Variants in SV2C observed in about 807,000 individuals in gnomAD.
SV2C encodes solute carrier family 22 member B3.
SV2C carries 49 observed loss-of-function variants against 79.7 expected under a neutral mutation model. The observed-to-expected ratio is 0.61, with a 90% CI of 0.49 to 0.78. SV2C has a LOEUF of 0.78. Ranked by LOEUF, SV2C falls within the 30% of genes least tolerant of loss-of-function variation. SV2C has a pLI of 0.00. For synonymous variants in SV2C, 334 were observed against 333.2 expected (o/e 1.00, Z -0.03); for missense variants, 833 against 912.9 (o/e 0.91, Z 1.13).
At position 76,298,519 on chromosome 5, in the gene SV2C, AC is replaced by A. The variant is rs375062139; in HGVS notation, c.1503-274del. Among the ~76,000 whole-genome samples, 150 of 152,232 alleles carry A rather than the reference AC, an allele frequency of 9.9e-4. 2 individuals are homozygous for A. Among genetic ancestry groups the A allele is most frequent in the African/African-American group, 3.5e-3 (144 of 41,538 alleles). ...TATCTTCAGTTGCATACCCCACAAAACTTTTTACCAACATTACAAAAAGCTA... is the reference window on the plus strand; with the variant it reads ...TATCTTCAGTTGCATACCCCACAAAATTTTTACCAACATTACAAAAAGCTA... On this transcript the variant is annotated intron_variant, in intron 9 of 12. Transcript: ENST00000502798.
At chr5:75,970,841 C>T in the SV2C span, among the ~76,000 whole-genome samples, 79 of 151,982 alleles carry the variant, frequency 5.2e-4, 2 homozygotes, top group Middle Eastern at 3.4e-3. Flanking sequence ...AGCATCATCC[C>T]GATACCAAAG....
chr5:76,125,617 G>C (rs779276857), intron 1 of SV2C, among the ~76,000 whole-genome samples: 15 of 152,146 alleles, frequency 9.9e-5, no homozygotes, highest in Non-Finnish European at 2.1e-4. Context: ...GTAAGTGTGA[G>C]AGCATATAAA....
chr5:75,955,803 C>T, the SV2C span, among the ~76,000 whole-genome samples: 1 of 150,506 alleles, frequency 6.6e-6, no homozygotes, highest in Non-Finnish European at 1.5e-5. Context: ...AAATGCTCAC[C>T]ATCACTGGCC....
intron 2 of SV2C, among the ~76,000 whole-genome samples, chr5:76,162,552 C>T (rs185178027): frequency 1.6e-3 from 251 of 152,312 alleles, no homozygotes; most frequent in African/African-American, 5.2e-3. Flanking sequence ...CCAGATGCTT[C>T]CTGACAGTCT....
chr5:76,300,025 C>G (rs1747926561), intron 10 of SV2C, among the ~76,000 whole-genome samples: 1 of 152,040 alleles, frequency 6.6e-6, no homozygotes, highest in East Asian at 1.9e-4. Context: ...TCTCTGTGCC[C>G]TCTAGTCTCA....
chr5:76,287,311 A>G (rs1465437247), intron 6 of SV2C, among the ~76,000 whole-genome samples: 1 of 152,246 alleles, frequency 6.6e-6, no homozygotes, highest in Non-Finnish European at 1.5e-5. Flanking sequence ...AACCAGAGAA[A>G]GGTAATCCAA....
chr5:76,003,918 T>C, the SV2C span, among the ~76,000 whole-genome samples: 1 of 151,676 alleles, frequency 6.6e-6, no homozygotes, highest in South Asian at 2.1e-4. Flanking sequence ...GAGAACTAAA[T>C]GCACAGGCTC....
chr5:75,880,849 G>A, the SV2C span, among the ~76,000 whole-genome samples: 42 of 152,256 alleles, frequency 2.8e-4, no homozygotes, highest in African/African-American at 9.6e-4. Flanking sequence ...TTGCTATAAA[G>A]AAATACCTGA....
At chr5:75,914,074 C>T in the SV2C span, among the ~76,000 whole-genome samples, 1 of 152,126 alleles carries the variant, frequency 6.6e-6, no homozygotes, top group Non-Finnish European at 1.5e-5. Flanking sequence ...CATGAATTGG[C>T]TAATCATGGC....
At chr5:76,124,399 A>G (rs1046779488) in intron 1 of SV2C, among the ~76,000 whole-genome samples, 9 of 152,206 alleles carry the variant, frequency 5.9e-5, no homozygotes, top group African/African-American at 1.9e-4. Flanking sequence ...TTCATTTAGC[A>G]TAGTATCCTC....
At chr5:76,119,715 C>CA (rs1435969908) in intron 1 of SV2C, among the ~76,000 whole-genome samples, 3 of 151,394 alleles carry the variant, frequency 2.0e-5, no homozygotes, top group African/African-American at 7.3e-5. Context: ...GAAAAAAAAA[C>CA]AAAAAACAAA....
At chr5:75,955,183 G>C in the SV2C span, among the ~76,000 whole-genome samples, 1 of 151,768 alleles carries the variant, frequency 6.6e-6, no homozygotes, top group African/African-American at 2.4e-5. Flanking sequence ...CATGGTACTG[G>C]TGCCAATACA....
intron 2 of SV2C, among the ~76,000 whole-genome samples, chr5:76,163,113 C>G (rs1383343827): frequency 6.6e-6 from 1 of 152,184 alleles, no homozygotes; most frequent in Non-Finnish European, 1.5e-5. Context: ...CTGCCCAGTC[C>G]CGCCTTGGTG....
chr5:76,181,593 GC>G (rs1429712434), intron 2 of SV2C, among the ~76,000 whole-genome samples: 1 of 152,142 alleles, frequency 6.6e-6, no homozygotes, highest in Non-Finnish European at 1.5e-5. Context: ...CCATGGTGGA[GC>G]AGGAGAGAGA....
intron 12 of SV2C, among the ~76,000 whole-genome samples, chr5:76,342,001 GACTTACCC>G (rs1749451729): frequency 6.6e-6 from 1 of 152,158 alleles, no homozygotes; most frequent in South Asian, 2.1e-4. Context: ...AACTCCAAGT[GACTTACCC>G]ACATACCCCA....
the SV2C span, among the ~76,000 whole-genome samples, chr5:75,870,839 A>G: frequency 1.4e-3 from 208 of 152,346 alleles, 4 homozygotes; most frequent in East Asian, 0.033. Context: ...TGGAAACCTT[A>G]CAGGCCAGGA....
rs117765904 is a variant in SV2C, at chr5:76,112,692, G to A, written c.-101-18958G>A. 1.7e-3 allele frequency among the ~76,000 whole-genome samples: 254 copies of A among 152,362 alleles called. 7 individuals carry two copies. The East Asian group carries it at 0.047, about 28-fold the overall frequency. ...TTAGACCAGGTAAAGAGTAGTGGAA[G>A]TGGTGAGAAAGTGACAAGTGTTTCC... On this transcript the variant is annotated intron_variant, in intron 1 of 12. Transcript: ENST00000502798.
At chr5:76,174,280 C>T (rs895710922) in intron 2 of SV2C, 10 of 1,234,610 alleles carry the variant, frequency 8.1e-6, no homozygotes, top group Admixed American at 1.9e-5. Flanking sequence ...CGGGTCGCTA[C>T]TCTAGGCGCC....
chr5:75,995,737 C>T, the SV2C span, among the ~76,000 whole-genome samples: 1 of 152,154 alleles, frequency 6.6e-6, no homozygotes, highest in Middle Eastern at 3.4e-3. Flanking sequence ...ATATCTGGCT[C>T]CAACTGTTAT....
Sources: allele counts gnomAD v4.1 joint callset (sites outside exome capture counted in the v4.1 genomes callset), GRCh38; gene constraint gnomAD v4.1.1; transcripts MANE v1.5; gene names NCBI Gene and HGNC (gene_info 2026-07-23, HGNC 2026-07-21).